Variants in GPATCH2 observed in about 807,000 individuals in gnomAD.
GPATCH2 encodes the protein G patch domain-containing protein 2.
In GPATCH2, 51 loss-of-function variants were observed where a neutral mutation model predicts 58.0. The ratio of observed to expected loss-of-function variants is 0.88; its 90% CI spans 0.70 to 1.11. The LOEUF (loss-of-function observed/expected upper bound fraction) is 1.11, where lower values mean the gene tolerates loss of function less well. GPATCH2 is among the 50% of genes most tolerant of loss of function. The pLI, the probability that GPATCH2 is intolerant of heterozygous loss-of-function variation, is 0.00. For missense variants in GPATCH2, 625 were observed against 652.2 expected, an observed-to-expected ratio of 0.96 and a Z score of 0.45; for synonymous variants, 222 against 218.5, an observed-to-expected ratio of 1.02 and a Z score of -0.14.
intron 8 of GPATCH2, among the ~76,000 whole-genome samples, chr1:217,453,452 A>C (rs1011589797): frequency 6.6e-6 from 1 of 152,220 alleles, no homozygotes; most frequent in Admixed American, 6.5e-5. Context: ...TTACGATTTG[A>C]AACATGGTTT....
intron 5 of GPATCH2, among the ~76,000 whole-genome samples, chr1:217,567,045 G>GTTTTTTTTTTTTTTTTTTTTTTTT (rs549350813): frequency 1.4e-5 from 2 of 140,762 alleles, no homozygotes. Flanking sequence ...ATAACTTCTG[G>GTTTTTTTTTTTTTTTTTTTTTTTT]CTTTTTTTTT....
At chr1:217,454,097 C>A (rs557514930) in intron 8 of GPATCH2, among the ~76,000 whole-genome samples, 1 of 152,160 alleles carries the variant, frequency 6.6e-6, no homozygotes, top group East Asian at 1.9e-4. Context: ...GGAAACCCAG[C>A]CCCATGTGAA....
chr1:217,431,861 A>G (rs1398187407), intron 9 of GPATCH2, among the ~76,000 whole-genome samples: 4 of 152,126 alleles, frequency 2.6e-5, no homozygotes, highest in Non-Finnish European at 4.4e-5. Flanking sequence ...ACCAAACAAA[A>G]AGCACAACTG....
intron 5 of GPATCH2, among the ~76,000 whole-genome samples, chr1:217,546,228 AT>A (rs915832221): frequency 3.4e-4 from 52 of 152,312 alleles, no homozygotes; most frequent in African/African-American, 1.3e-3. Context: ...TGCCCAAGCA[AT>A]TTATAGATTA....
intron 9 of GPATCH2, among the ~76,000 whole-genome samples, chr1:217,448,841 C>G (rs940588752): frequency 6.6e-6 from 1 of 152,178 alleles, no homozygotes; most frequent in African/African-American, 2.4e-5. Flanking sequence ...GTGTCCATCT[C>G]CTACCACATG....
In GPATCH2 at chr1:217,556,025, G is replaced by T. The variant is rs1259528847; in HGVS notation, c.1099-41136C>A. Among the ~76,000 whole-genome samples, 3 of 152,156 alleles carry T rather than the reference G, an allele frequency of 2.0e-5. No individual in the cohort carries two copies. The East Asian group carries it at 5.8e-4, about 29-fold the overall frequency. ...GCTCTCTCTTTCTTAATACTGAAAA[G>T]AGGTTTGAGATATGTAATGAATGGA... On this transcript the variant is annotated intron_variant, in intron 5 of 9. Transcript: ENST00000366935.
At chr1:217,431,599 C>G (rs955574965) in intron 9 of GPATCH2, among the ~76,000 whole-genome samples, 1 of 152,204 alleles carries the variant, frequency 6.6e-6, no homozygotes, top group Non-Finnish European at 1.5e-5. Flanking sequence ...TTCAGCCTCT[C>G]TGGGCTTTTG....
chr1:217,611,776 A>T (rs1323519898), intron 3 of GPATCH2, among the ~76,000 whole-genome samples: 1 of 152,190 alleles, frequency 6.6e-6, no homozygotes, highest in Non-Finnish European at 1.5e-5. Flanking sequence ...GAAAAGTGAC[A>T]ATACCTTAGA....
intron 2 of GPATCH2, among the ~76,000 whole-genome samples, chr1:217,614,775 A>C (rs1464241215): frequency 7.7e-6 from 1 of 130,258 alleles, no homozygotes; most frequent in African/African-American, 3.1e-5. Flanking sequence ...ACTTTTAAGC[A>C]AAAAAAAAAA....
chr1:217,475,841 C>G (rs766425466), intron 8 of GPATCH2, among the ~76,000 whole-genome samples: 2 of 151,938 alleles, frequency 1.3e-5, no homozygotes, highest in Non-Finnish European at 2.9e-5. Flanking sequence ...TCTGGGAAAG[C>G]TGAAGAAAAA....
intron 3 of GPATCH2, among the ~76,000 whole-genome samples, chr1:217,613,308 GAAAA>G (rs1323722877): frequency 1.3e-5 from 2 of 151,854 alleles, no homozygotes; most frequent in African/African-American, 4.8e-5. Context: ...AACAGACTAA[GAAAA>G]AAAGTATAGG....
chr1:217,603,403 G>A (rs924043463), intron 5 of GPATCH2, among the ~76,000 whole-genome samples: 3 of 151,932 alleles, frequency 2.0e-5, no homozygotes, highest in Admixed American at 6.6e-5. Context: ...TTAATTAAAT[G>A]AACAAATATA....
chr1:217,492,620 A>C (rs1661802723), intron 7 of GPATCH2: 1 of 152,236 alleles, frequency 6.6e-6, no homozygotes, highest in Admixed American at 6.5e-5. Context: ...ACTAGGTTCC[A>C]ATAATAGCTT....
intron 8 of GPATCH2, among the ~76,000 whole-genome samples, chr1:217,488,295 C>T (rs1364528435): frequency 1.3e-5 from 2 of 152,002 alleles, no homozygotes; most frequent in Middle Eastern, 3.2e-3. Flanking sequence ...AGAAATTTTC[C>T]ATTTATAAAT....
intron 5 of GPATCH2, among the ~76,000 whole-genome samples, chr1:217,540,684 T>G (rs765344740): frequency 1.1e-4 from 16 of 152,202 alleles, no homozygotes; most frequent in Non-Finnish European, 1.8e-4. Flanking sequence ...GTACCTACTA[T>G]TCAAGATAAG....
intron 8 of GPATCH2, among the ~76,000 whole-genome samples, chr1:217,458,429 G>A (rs1027259918): frequency 4.6e-5 from 7 of 152,102 alleles, no homozygotes; most frequent in Non-Finnish European, 8.8e-5. Flanking sequence ...GGTAGCGGCT[G>A]TTTTATGAAA....
chr1:217,470,989 C>T (rs990976332), intron 8 of GPATCH2, among the ~76,000 whole-genome samples: 3 of 151,544 alleles, frequency 2.0e-5, no homozygotes, highest in Admixed American at 6.6e-5. Context: ...TCTTTTACAA[C>T]GATAAAATCT....
At chr1:217,609,629 A>G in intron 5 of GPATCH2, 5 of 979,202 alleles carry the variant, frequency 5.1e-6, no homozygotes, top group Non-Finnish European at 6.1e-6. Flanking sequence ...CCTACTACTC[A>G]TCTTAGCCCT....
intron 5 of GPATCH2, among the ~76,000 whole-genome samples, chr1:217,519,328 T>TGAGAAACATATTC (rs1663333023): frequency 6.6e-6 from 1 of 152,148 alleles, no homozygotes; most frequent in South Asian, 2.1e-4. Context: ...TGTTTGGGGA[T>TGAGAAACATATTC]GAGAAACATA....
Sources: gnomAD v4.1 joint callset for allele counts (sites outside exome capture counted in the v4.1 genomes callset) on GRCh38, gnomAD v4.1.1 for gene constraint, MANE v1.5 for transcripts, NCBI Gene and HGNC (gene_info 2026-07-23, HGNC 2026-07-21) for gene names.